HTR7: variants seen among roughly 807,000 people sequenced by gnomAD.
HTR7 encodes the protein 5-hydroxytryptamine receptor 7, also known as 5-HT-7.
A neutral mutation model predicts 34.0 loss-of-function variants in HTR7; 16 were observed. The observed-to-expected ratio is 0.47, with a 90% CI of 0.32 to 0.71. The LOEUF (loss-of-function observed/expected upper bound fraction) is 0.71. Ranked by LOEUF, HTR7 falls within the 30% of genes least tolerant of loss-of-function variation. The pLI is 0.04. For missense variants in HTR7, 504 were observed against 625.5 expected (o/e 0.81, Z 2.07); for synonymous variants, 265 against 260.2 (o/e 1.02, Z -0.18).
At chr10:90,782,951 A>G (rs1845326702) in intron 1 of HTR7, among the ~76,000 whole-genome samples, 1 of 152,124 alleles carries the variant, frequency 6.6e-6, no homozygotes, top group African/African-American at 2.4e-5. Flanking sequence ...CTGCAGATCC[A>G]TTGTGCTGTG....
intron 1 of HTR7, among the ~76,000 whole-genome samples, chr10:90,787,354 G>A (rs1199056085): frequency 1.3e-5 from 2 of 152,102 alleles, no homozygotes; most frequent in Non-Finnish European, 2.9e-5. Flanking sequence ...TGTGTGTGGT[G>A]GCACGCACCT....
At chr10:90,805,240 G>C (rs1845686946) in intron 1 of HTR7, among the ~76,000 whole-genome samples, 1 of 152,170 alleles carries the variant, frequency 6.6e-6, no homozygotes. Context: ...GATGAGAAAA[G>C]CATGGTTTGG....
intron 1 of HTR7, among the ~76,000 whole-genome samples, chr10:90,848,035 C>T (rs112620569): frequency 1.6e-3 from 242 of 151,206 alleles, no homozygotes; most frequent in African/African-American, 5.5e-3. Flanking sequence ...CAGTTTTCTC[C>T]ATCCCATCTA....
At chr10:90,803,611 C>T (rs1039486820) in intron 1 of HTR7, among the ~76,000 whole-genome samples, 2 of 152,240 alleles carry the variant, frequency 1.3e-5, no homozygotes, top group East Asian at 3.9e-4. Flanking sequence ...CTGGCTATGA[C>T]CAATTATTAT....
At chr10:90,780,478 A>G (rs767989620) in intron 1 of HTR7, among the ~76,000 whole-genome samples, 19 of 150,206 alleles carry the variant, frequency 1.3e-4, no homozygotes, top group Non-Finnish European at 1.3e-4. Context: ...CGGAGGTTGC[A>G]GTGAGCCGAG....
intron 1 of HTR7, among the ~76,000 whole-genome samples, chr10:90,825,944 T>C (rs1246375284): frequency 6.6e-6 from 1 of 152,124 alleles, no homozygotes; most frequent in African/African-American, 2.4e-5. Flanking sequence ...GAAAGTTTAT[T>C]CAAAGGGATA....
intron 1 of HTR7, among the ~76,000 whole-genome samples, chr10:90,810,704 C>G (rs1056392255): frequency 2.0e-5 from 3 of 152,116 alleles, no homozygotes; most frequent in Non-Finnish European, 2.9e-5. Context: ...TCCTTTGCAC[C>G]CTTCATCCCA....
In HTR7 at chr10:90,766,907, T is replaced by C. The variant is rs376392873; in HGVS notation, c.540-17313A>G. On this transcript the variant is annotated intron_variant, in intron 1 of 3. Transcript: ENST00000336152. ...GTTCTTGACAGGCCAACTGGTAGCA[T>C]TGACAGACAGACAGAGCTTCCTGTT... 1.7e-3 allele frequency among the ~76,000 whole-genome samples: 255 copies of C among 152,294 alleles called. 3 individuals are homozygous for C. The highest frequency in any genetic ancestry group is 5.6e-3 in the African/African-American group (231 of 41,548).
chr10:90,765,966 T>C (rs1283015009), intron 1 of HTR7, among the ~76,000 whole-genome samples: 2 of 152,188 alleles, frequency 1.3e-5, no homozygotes, highest in Non-Finnish European at 2.9e-5. Context: ...AAATGTTCTG[T>C]GTGTGCTTGA....
At chr10:90,794,045 A>C (rs1355469994) in intron 1 of HTR7, among the ~76,000 whole-genome samples, 1 of 152,180 alleles carries the variant, frequency 6.6e-6, no homozygotes, top group Non-Finnish European at 1.5e-5. Flanking sequence ...CTCAAATGTT[A>C]ATCTCCTTTG....
At chr10:90,743,252 G>C (rs987929287) in intron 3 of HTR7, among the ~76,000 whole-genome samples, 2 of 152,142 alleles carry the variant, frequency 1.3e-5, no homozygotes, top group African/African-American at 4.8e-5. Context: ...CCTTCTTTGA[G>C]GTCCCCCTCT....
chr10:90,824,581 C>T (rs1393697037), intron 1 of HTR7, among the ~76,000 whole-genome samples: 2 of 152,222 alleles, frequency 1.3e-5, no homozygotes, highest in Admixed American at 1.3e-4. Flanking sequence ...TTGGTGTTCC[C>T]TAATTCCAGG....
intron 1 of HTR7, among the ~76,000 whole-genome samples, chr10:90,829,527 C>A (rs765867086): frequency 3.3e-5 from 5 of 152,176 alleles, no homozygotes; most frequent in African/African-American, 4.8e-5. Flanking sequence ...CCTAGCCCCC[C>A]ACCCTGACAG....
At position 90,857,799 on chromosome 10, in the gene HTR7, G is replaced by A. The variant is rs1426309032; in HGVS notation, c.-128C>T. Reference sequence around the variant, plus strand: ...AGCCATGGGGCCCGCGCCGACCGCTGGGGGGCGCCTGGCTCTGTCTCGGAG... The same window carrying A: ...AGCCATGGGGCCCGCGCCGACCGCTAGGGGGCGCCTGGCTCTGTCTCGGAG... On this transcript the variant is annotated 5_prime_UTR_variant, in exon 1 of 4. Coordinates refer to ENST00000336152, the MANE Select transcript of HTR7 (RefSeq NM_019859.4). The surrounding 1 kb of genome is among the most constrained non-coding windows in gnomAD (Gnocchi z 6.5). The A allele has an allele frequency of 6.6e-6, 6 of 904,818 alleles. No homozygotes were observed. In the South Asian group the frequency reaches 2.2e-4, roughly 33 times the overall value. The allele number at this position is 904,818 out of a possible 1,614,324, so 56.0% of individuals were successfully genotyped here. A position where few individuals can be genotyped will look rare whatever the true frequency, so the allele number is the denominator to read the frequency against.
intron 1 of HTR7, among the ~76,000 whole-genome samples, chr10:90,852,532 C>CT (rs1846516294): frequency 6.6e-6 from 1 of 152,132 alleles, no homozygotes; most frequent in Non-Finnish European, 1.5e-5. Context: ...CCACAAATGA[C>CT]TTGCACATAA....
intron 1 of HTR7, among the ~76,000 whole-genome samples, chr10:90,845,753 C>G (rs1846406065): frequency 6.6e-6 from 1 of 152,194 alleles, no homozygotes; most frequent in African/African-American, 2.4e-5. Flanking sequence ...TGGAGACTTC[C>G]TGGCACTGCA....
At chr10:90,788,949 C>T (rs990725098) in intron 1 of HTR7, among the ~76,000 whole-genome samples, 1 of 152,124 alleles carries the variant, frequency 6.6e-6, no homozygotes, top group East Asian at 1.9e-4. Context: ...TCAAGTGTCA[C>T]CTCTACTGTA....
chr10:90,749,923 TCAAC>T lies in HTR7; in HGVS notation c.540-333_540-330del. Reference sequence around the variant, plus strand: ...GTCCCCATGACCACAGCCACCAAAATCAACCAGGACAACATATCAACTCTGATGT... The same window carrying T: ...GTCCCCATGACCACAGCCACCAAAATCAGGACAACATATCAACTCTGATGT... On this transcript the variant is annotated intron_variant, in intron 1 of 3. Coordinates refer to ENST00000336152, the MANE Select transcript of HTR7 (RefSeq NM_019859.4). This position sits in a 1 kb window ranked among gnomAD's most constrained non-coding sequence, Gnocchi z 4.2. Among the ~76,000 whole-genome samples, 1 of 152,242 alleles carries T rather than the reference TCAAC, an allele frequency of 6.6e-6. No individual in the cohort carries two copies. The highest frequency in any genetic ancestry group is 1.5e-5 in the Non-Finnish European group (1 of 68,010).
intron 1 of HTR7, among the ~76,000 whole-genome samples, chr10:90,852,772 T>C (rs868154083): frequency 2.6e-5 from 4 of 152,166 alleles, no homozygotes; most frequent in Non-Finnish European, 1.5e-5. Context: ...TACAATTCCA[T>C]TTATATGAAG....
Sources: allele counts gnomAD v4.1 joint callset (sites outside exome capture counted in the v4.1 genomes callset), GRCh38; gene constraint gnomAD v4.1.1; non-coding constraint Gnocchi (gnomAD v3.1); transcripts MANE v1.5; gene names NCBI Gene and HGNC (gene_info 2026-07-23, HGNC 2026-07-21).